Variants in JKAMP observed in about 807,000 individuals in gnomAD.
JKAMP encodes the protein JNK1/MAPK8 associated membrane protein.
JKAMP carries 20 observed loss-of-function variants against 40.2 expected under a neutral mutation model. The ratio of observed to expected loss-of-function variants is 0.50; its 90% CI spans 0.35 to 0.72. The LOEUF (loss-of-function observed/expected upper bound fraction) is 0.72. JKAMP is among the 30% of genes least tolerant of loss of function. The probability of loss-of-function intolerance (pLI) is 0.01; values close to 1 mark genes in which losing one functional copy is unlikely to be tolerated. For missense variants in JKAMP, 276 were observed against 373.0 expected (o/e 0.74, Z 2.14); for synonymous variants, 138 against 131.6 (o/e 1.05, Z -0.33).
At chr14:59,485,424 A>G in intron 1 of JKAMP, 1 of 279,470 alleles carries the variant, frequency 3.6e-6, no homozygotes, top group Non-Finnish European at 6.6e-6. Flanking sequence ...ATTAAACTGG[A>G]GGAATATTAT....
At chr14:59,496,700 GA>G (rs1463398135) in intron 4 of JKAMP, among the ~76,000 whole-genome samples, 1 of 152,154 alleles carries the variant, frequency 6.6e-6, no homozygotes, top group Non-Finnish European at 1.5e-5. Flanking sequence ...CTGTCAATCA[GA>G]ATCATCACAC....
chr14:59,492,942 C>T (rs1051490759), intron 3 of JKAMP, among the ~76,000 whole-genome samples: 7 of 151,872 alleles, frequency 4.6e-5, no homozygotes, highest in Non-Finnish European at 1.0e-4. Flanking sequence ...GGACTACAGG[C>T]GCCTGCCACC....
At chr14:59,484,852 T>C in intron 1 of JKAMP, 1 of 1,088,418 alleles carries the variant, frequency 9.2e-7, no homozygotes, top group Non-Finnish European at 1.3e-6. Flanking sequence ...GTCTCTTCAG[T>C]CCCTTAGTTT....
rs1260133407 is a variant in JKAMP at position 59,495,104 on chromosome 14, G to C, written c.338G>C (p.Gly113Ala). The change falls in exon 4 of 7, where the codon GGT (glycine) becomes GCT (alanine). Residue 113 changes from glycine to alanine, a missense_variant. Transcript: ENST00000616435. The part of the protein sequence containing the change: ...IITLLVSDPV[G>A]VLYIRSCRVL... ...ACCTTACTTGTGAGTGATCCAGTTG[G>C]TGTTCTTTATATTCGTTCATGTCGA... is the stretch of plus-strand genomic sequence containing the variant. 1 of 1,613,398 alleles carries C rather than the reference G, an allele frequency of 6.2e-7. No individual in the cohort carries two copies. The highest frequency in any genetic ancestry group is 8.5e-7 in the Non-Finnish European group (1 of 1,179,496).
rs1566578979 is a variant in JKAMP, at chr14:59,495,251, A to G, written c.458+27A>G. The G allele has an allele frequency of 4.8e-6, 7 of 1,449,684 alleles. No individual in the cohort carries two copies. In the East Asian group the frequency reaches 1.6e-4, roughly 33 times the overall value. The allele number at this position is 1,449,684 out of a possible 1,614,324, so 89.8% of individuals were successfully genotyped here. On this transcript the variant is annotated intron_variant, in intron 4 of 6. Coordinates refer to ENST00000616435, the MANE Select transcript of JKAMP (RefSeq NM_016475.5). ...TAAGTGTTTATTTCGACTTAAGATC[A>G]TTGTTTTTTTTTAAATCTCTGAGGA... is the stretch of plus-strand genomic sequence containing the variant.
In JKAMP at chr14:59,504,135, T is replaced by A; in HGVS notation, c.*63T>A. The A allele has an allele frequency of 1.1e-6, 1 of 924,198 alleles. No homozygotes were observed. The highest frequency in any genetic ancestry group is 1.7e-6 in the Non-Finnish European group (1 of 575,074). The allele number at this position is 924,198 out of a possible 1,614,324, so 57.2% of individuals were successfully genotyped here. On this transcript the variant is annotated 3_prime_UTR_variant, in exon 7 of 7. Transcript: ENST00000616435. Reference sequence around the variant, plus strand: ...TCCTAATAAAAAAGTAAATCAATCTTAACAGTGTATGAGAACTATTCTATC... The same window carrying A: ...TCCTAATAAAAAAGTAAATCAATCTAAACAGTGTATGAGAACTATTCTATC...
At chr14:59,497,815 G>C (rs1452097445) in intron 4 of JKAMP, among the ~76,000 whole-genome samples, 2 of 152,184 alleles carry the variant, frequency 1.3e-5, no homozygotes, top group Admixed American at 6.5e-5. Flanking sequence ...CAGGATTATG[G>C]TATCATGATG....
rs1891867351 is a variant in JKAMP, at chr14:59,501,380, GC to G, written c.717+114del. On this transcript the variant is annotated intron_variant, in intron 6 of 6. Transcript: ENST00000616435. ...CAACTAATTGTTTTAGTAATCTTTGGCTGATTGATGCCACTTGGTAGCTTTT... is the reference window on the plus strand; with the variant it reads ...CAACTAATTGTTTTAGTAATCTTTGGTGATTGATGCCACTTGGTAGCTTTT... The G allele has an allele frequency of 9.5e-6, 6 of 634,492 alleles. No individual in the cohort carries two copies. The Admixed American group carries it at 2.0e-4, about 21-fold the overall frequency. The allele number at this position is 634,492 out of a possible 1,614,324, so 39.3% of individuals were successfully genotyped here.
intron 1 of JKAMP, 106 bp downstream of exon 1, chr14:59,484,699 C>T (rs2139845535): frequency 7.3e-7 from 1 of 1,376,084 alleles, no homozygotes; most frequent in East Asian, 2.5e-5. Context: ...CGGTTGGCGG[C>T]GCAGGCTCGC....
At position 59,501,172 on chromosome 14, in the gene JKAMP, A is replaced by G. The variant is rs187987589; in HGVS notation, c.641-19A>G. The G allele has an allele frequency of 6.8e-7, 1 of 1,463,056 alleles. No homozygotes were observed. The highest frequency in any genetic ancestry group is 1.4e-5 in the African/African-American group (1 of 70,704). 90.6% of individuals were successfully genotyped at this position (1,463,056 alleles called of 1,614,324 possible). A position where few individuals can be genotyped will look rare whatever the true frequency, so the allele number is the denominator to read the frequency against. On this transcript the variant is annotated intron_variant, in intron 5 of 6. Transcript: ENST00000616435. ...AAATTTGTTTCATTTCCAACATAAT[A>G]CCAATGCTTATCTTTCAGATTACGC...
intron 3 of JKAMP, among the ~76,000 whole-genome samples, chr14:59,493,892 C>T (rs1018912632): frequency 3.3e-5 from 5 of 151,968 alleles, no homozygotes; most frequent in Non-Finnish European, 5.9e-5. Flanking sequence ...AAAACACAGA[C>T]AATTATATAT....
chr14:59,489,653 A>C (rs544971711), intron 3 of JKAMP, among the ~76,000 whole-genome samples: 1 of 152,324 alleles, frequency 6.6e-6, no homozygotes, highest in African/African-American at 2.4e-5. Flanking sequence ...GTTTTCTGTT[A>C]GTCCATTTCC....
intron 4 of JKAMP, among the ~76,000 whole-genome samples, chr14:59,496,750 C>A (rs1294246803): frequency 6.6e-6 from 1 of 152,184 alleles, no homozygotes; most frequent in Non-Finnish European, 1.5e-5. Context: ...TATTCACTAT[C>A]CCTGAATCAA....
Position 59,505,402 on chromosome 14 carries a change from C to A in JKAMP, c.*1330C>A. 1 of 619,250 alleles carries A rather than the reference C, an allele frequency of 1.6e-6. No individual in the cohort carries two copies. The highest frequency in any genetic ancestry group is 2.6e-6 in the Non-Finnish European group (1 of 384,026). 38.4% of individuals were successfully genotyped at this position (619,250 alleles called of 1,614,324 possible). A position where few individuals can be genotyped will look rare whatever the true frequency, so the allele number is the denominator to read the frequency against. ...TAGTGTTCATTAAAATTCTGAGTTG[C>A]CCAAAGAATCCTCAATTGAGTAATT... On this transcript the variant is annotated 3_prime_UTR_variant, in exon 7 of 7. Transcript: ENST00000616435.
At chr14:59,485,360 A>C (rs964220611) in intron 1 of JKAMP, 1 of 409,914 alleles carries the variant, frequency 2.4e-6, no homozygotes, top group Non-Finnish European at 4.2e-6. Context: ...AGCGCCCATT[A>C]AAGAGGCCAG....
At chr14:59,498,626 C>A in intron 4 of JKAMP, 101 bp from the exon 5 acceptor site, 3 of 681,288 alleles carry the variant, frequency 4.4e-6, no homozygotes, top group South Asian at 2.3e-5. Flanking sequence ...AGTAAATATG[C>A]TTTTTAAACC....
At position 59,503,948 on chromosome 14, in the gene JKAMP, T is replaced by C. The variant is rs1357313319; in HGVS notation, c.812T>C (p.Val271Ala). Residue 271 changes from valine (V) to alanine (A), a missense_variant, in exon 7 of 7, where the codon GTG becomes GCG. Val to Ala is a moderately conservative substitution (Grantham distance 64, BLOSUM62 0). Coordinates refer to ENST00000616435, the MANE Select transcript of JKAMP (RefSeq NM_016475.5). Reference sequence around the variant, plus strand: ...TATGGAATAATCTCCATTTCCAGAGTGGATAAACTTGAGCAAGATTTGCCC... The same window carrying C: ...TATGGAATAATCTCCATTTCCAGAGCGGATAAACTTGAGCAAGATTTGCCC... ...HAYGIISISR[V>A]DKLEQDLPLL... is the part of the protein sequence containing the mutation. 1 of 1,613,548 alleles carries C rather than the reference T, an allele frequency of 6.2e-7. No homozygotes were observed. Among genetic ancestry groups the C allele is most frequent in the African/African-American group, 1.3e-5 (1 of 75,010 alleles).
chr14:59,484,700 G>A (rs1351272718), intron 1 of JKAMP, 107 bp downstream of exon 1: 3 of 1,374,518 alleles, frequency 2.2e-6, no homozygotes, highest in Non-Finnish European at 3.0e-6. Context: ...GGTTGGCGGC[G>A]CAGGCTCGCC....
Position 59,504,299 on chromosome 14 carries a change from A to G in JKAMP, c.*227A>G, listed in dbSNP as rs917006974. Reference sequence around the variant, plus strand: ...AGGGTAATATTATCTGCTACACTGGAAGGCCGCTAGGAAGCCCTTGCTTCT... The same window carrying G: ...AGGGTAATATTATCTGCTACACTGGGAGGCCGCTAGGAAGCCCTTGCTTCT... On this transcript the variant is annotated 3_prime_UTR_variant, in exon 7 of 7. Coordinates refer to ENST00000616435, the MANE Select transcript of JKAMP (RefSeq NM_016475.5). 6.0e-6 allele frequency: 3 copies of G among 497,584 alleles called. No individual in the cohort carries two copies. Among genetic ancestry groups the G allele is most frequent in the Non-Finnish European group, 7.1e-6 (2 of 281,782 alleles). The allele number at this position is 497,584 out of a possible 1,614,324, so 30.8% of individuals were successfully genotyped here.
Sources: gnomAD v4.1 joint callset for allele counts (sites outside exome capture counted in the v4.1 genomes callset) on GRCh38, gnomAD v4.1.1 for gene constraint, MANE v1.5 for transcripts, NCBI Gene and HGNC (gene_info 2026-07-23, HGNC 2026-07-21) for gene names.